NCOA2: variants seen among roughly 807,000 people sequenced by gnomAD.
NCOA2 encodes the protein nuclear receptor coactivator 2, also known as class E basic helix-loop-helix protein 75.
NCOA2 carries 21 observed loss-of-function variants against 145.1 expected under a neutral mutation model. The observed-to-expected ratio is 0.14, with a 90% CI of 0.10 to 0.21. The LOEUF is 0.21. NCOA2 is among the 10% of genes least tolerant of loss of function. The probability of loss-of-function intolerance (pLI) is 1.00; values close to 1 mark genes in which losing one functional copy is unlikely to be tolerated. For missense variants in NCOA2, 1,472 were observed against 1,837.6 expected (o/e 0.80, Z 3.64); for synonymous variants, 619 against 637.5 (o/e 0.97, Z 0.44).
chr8:70,275,312 T>C (rs1586335809), intron 2 of NCOA2, among the ~76,000 whole-genome samples: 1 of 152,046 alleles, frequency 6.6e-6, no homozygotes, highest in Non-Finnish European at 1.5e-5. Flanking sequence ...CATCTAAGAG[T>C]AGAATATAGT....
chr8:70,294,548 G>A, intron 2 of NCOA2, among the ~76,000 whole-genome samples: 1 of 152,064 alleles, frequency 6.6e-6, no homozygotes, highest in East Asian at 1.9e-4. Flanking sequence ...GTTTCAGTTT[G>A]GAATAACAAT....
the NCOA2 span, among the ~76,000 whole-genome samples, chr8:70,437,924 G>A: frequency 3.3e-5 from 5 of 152,154 alleles, no homozygotes; most frequent in African/African-American, 1.2e-4. Flanking sequence ...ACTGCAAAGA[G>A]GTAGAAAACA....
At chr8:70,175,822 A>G (rs1814767846) in intron 4 of NCOA2, among the ~76,000 whole-genome samples, 1 of 152,244 alleles carries the variant, frequency 6.6e-6, no homozygotes, top group South Asian at 2.1e-4. Context: ...AGAAAACTGT[A>G]AATCAATTTA....
chr8:70,207,052 A>G (rs1818513192), intron 4 of NCOA2, among the ~76,000 whole-genome samples: 1 of 152,164 alleles, frequency 6.6e-6, no homozygotes, highest in Non-Finnish European at 1.5e-5. Flanking sequence ...CTCCAAGAAA[A>G]AGAATCATGT....
chr8:70,133,200 C>CTTTTTTTTTTTTTTTTTTTTTTTTTTT (rs57813061), intron 15 of NCOA2, among the ~76,000 whole-genome samples: 12 of 106,966 alleles, frequency 1.1e-4, no homozygotes, highest in African/African-American at 4.8e-4. Context: ...CTGGCTGCTA[C>CTTTTTTTTTTTTTTTTTTTTTTTTTTT]TTTTTTTTTT....
Position 70,156,116 on chromosome 8 carries a change from T to G in NCOA2, c.2249A>C (p.Asp750Ala). Residue 750 changes from aspartate (D) to alanine (A), a missense_variant, in exon 11 of 23, where the codon GAT becomes GCT. Asp to Ala is a moderately radical substitution (Grantham distance 126). This residue lies in a region of NCOA2 where 953 missense variants were observed against 1,062.1 expected (regional missense o/e 0.90). Transcript: ENST00000452400. Reference sequence around the variant, plus strand: ...ACCAATATCTTTAGTATCATCTTTATCTAGCAAATAGCGAAGTAGTGCATT... The same window carrying G: ...ACCAATATCTTTAGTATCATCTTTAGCTAGCAAATAGCGAAGTAGTGCATT... ...KENALLRYLLDKDDTKDIGLP... is the reference protein window; with the variant it reads ...KENALLRYLLAKDDTKDIGLP... The G allele has an allele frequency of 6.2e-7, 1 of 1,614,034 alleles. No homozygotes were observed. The highest frequency in any genetic ancestry group is 8.5e-7 in the Non-Finnish European group (1 of 1,179,898).
chr8:70,423,013 C>A, the NCOA2 span, among the ~76,000 whole-genome samples: 2 of 152,102 alleles, frequency 1.3e-5, no homozygotes, highest in Non-Finnish European at 2.9e-5. Flanking sequence ...CTTTTAAGAG[C>A]TATATAATGT....
chr8:70,205,183 T>C (rs1377259134), intron 4 of NCOA2, among the ~76,000 whole-genome samples: 1 of 151,922 alleles, frequency 6.6e-6, no homozygotes, highest in African/African-American at 2.4e-5. Context: ...TCATATTTGT[T>C]TGGAGATTAG....
At chr8:70,355,660 G>C (rs992530556) in intron 1 of NCOA2, among the ~76,000 whole-genome samples, 1 of 151,792 alleles carries the variant, frequency 6.6e-6, no homozygotes, top group African/African-American at 2.4e-5. Flanking sequence ...TTCAATGTGG[G>C]GGAAGCCAAA....
the NCOA2 span, among the ~76,000 whole-genome samples, chr8:70,425,178 A>G: frequency 6.6e-6 from 1 of 152,226 alleles, no homozygotes; most frequent in Non-Finnish European, 1.5e-5. Flanking sequence ...GCATCCTTGC[A>G]CTAAGCATGA....
At position 70,128,783 on chromosome 8, in the gene NCOA2, C is replaced by T. The variant is rs774295461; in HGVS notation, c.3522G>A (p.Pro1174=). ...SYATLRMQPR[P]GLRPTGLVQN... ...GCACTAGGCCCGTGGGCCTGAGGCC[C>T]GGTCTGGGCTGCATACGGAGTGTGG... The change falls in exon 17 of 23, where the codon CCG becomes CCA. Residue 1174 remains proline, a synonymous_variant. Coordinates refer to ENST00000452400, the MANE Select transcript of NCOA2 (RefSeq NM_006540.4). The T allele has an allele frequency of 3.7e-6, 6 of 1,613,900 alleles. No individual in the cohort carries two copies. Among genetic ancestry groups the T allele is most frequent in the Non-Finnish European group, 5.1e-6 (6 of 1,179,906 alleles).
intron 2 of NCOA2, among the ~76,000 whole-genome samples, chr8:70,264,431 G>T (rs1452731906): frequency 6.6e-6 from 1 of 152,088 alleles, no homozygotes; most frequent in Admixed American, 6.5e-5. Flanking sequence ...GGAGTTAGAG[G>T]CTGCAGAGAG....
intron 1 of NCOA2, chr8:70,402,301 G>A (rs796677371): frequency 3.3e-5 from 5 of 152,518 alleles, no homozygotes; most frequent in African/African-American, 1.2e-4. Context: ...AGGTGGCGGA[G>A]GAAGGTGTTC....
chr8:70,197,285 A>C (rs559858419), intron 4 of NCOA2, among the ~76,000 whole-genome samples: 143 of 151,600 alleles, frequency 9.4e-4, no homozygotes, highest in Non-Finnish European at 1.8e-3. Context: ...TCAACCTATC[A>C]ATCAATCAAT....
the NCOA2 span, among the ~76,000 whole-genome samples, chr8:70,430,957 C>G: frequency 6.6e-5 from 10 of 152,044 alleles, no homozygotes; most frequent in African/African-American, 2.4e-4. Context: ...CGAAATCTGG[C>G]CAAAAATGAA....
intron 2 of NCOA2, among the ~76,000 whole-genome samples, chr8:70,268,538 CCATAA>C (rs749803486): frequency 5.9e-5 from 9 of 152,088 alleles, no homozygotes; most frequent in Non-Finnish European, 1.3e-4. Flanking sequence ...CTTTTCTATA[CCATAA>C]CATAAAATTT....
At position 70,154,397 on chromosome 8, in the gene NCOA2, A is replaced by G. The variant is rs545967236; in HGVS notation, c.2394+1574T>C. ...TGCCAAGTCACTGTGGCTGTTAATA[A>G]CCCATGTTTTCTTTAAATGGGTTTT... On this transcript the variant is annotated intron_variant, in intron 11 of 22. Coordinates refer to ENST00000452400, the MANE Select transcript of NCOA2 (RefSeq NM_006540.4). Among the ~76,000 whole-genome samples, 128 of 152,230 alleles carry G rather than the reference A, an allele frequency of 8.4e-4. 1 individual carries two copies. Among genetic ancestry groups the G allele is most frequent in the African/African-American group, 3.0e-3 (124 of 41,536 alleles).
At chr8:70,388,974 A>G (rs932669856) in intron 1 of NCOA2, among the ~76,000 whole-genome samples, 3 of 152,238 alleles carry the variant, frequency 2.0e-5, no homozygotes, top group African/African-American at 4.8e-5. Context: ...TACTCATTTT[A>G]TAAGTATTTC....
chr8:70,338,824 C>T (rs1339512281), intron 1 of NCOA2, among the ~76,000 whole-genome samples: 1 of 152,084 alleles, frequency 6.6e-6, no homozygotes, highest in Non-Finnish European at 1.5e-5. Context: ...TGCTTCACTA[C>T]ATAAACTGCA....
Sources: gnomAD v4.1 joint callset for allele counts (sites outside exome capture counted in the v4.1 genomes callset) on GRCh38, gnomAD v4.1.1 for gene constraint, gnomAD v4.1.1 regional missense constraint, MANE v1.5 for transcripts, NCBI Gene and HGNC (gene_info 2026-07-23, HGNC 2026-07-21) for gene names.